Variants in DDX60L observed in about 807,000 individuals in gnomAD.
DDX60L encodes the protein DExD/H-box 60 like, also known as probable ATP-dependent RNA helicase DDX60-like.
Under a neutral mutation model 211.6 loss-of-function variants are expected in DDX60L, and 191 were observed. The ratio of observed to expected loss-of-function variants is 0.90; its 90% CI spans 0.80 to 1.02. The LOEUF is 1.02. Ranked by LOEUF, DDX60L falls within the 50% of genes least tolerant of loss-of-function variation. The pLI is 0.00. For synonymous variants in DDX60L, 706 were observed against 694.1 expected (o/e 1.02, Z -0.27); for missense variants, 2,007 against 1,984.1 (o/e 1.01, Z -0.22).
At chr4:168,422,748 C>G in intron 15 of DDX60L, 78 bp from the exon 16 acceptor site, 2 of 1,118,848 alleles carry the variant, frequency 1.8e-6, no homozygotes, top group South Asian at 3.1e-5. Flanking sequence ...CCACTGAGCA[C>G]ATTCTATGCA....
intron 10 of DDX60L, among the ~76,000 whole-genome samples, chr4:168,440,572 AT>A (rs1324750024): frequency 6.6e-6 from 1 of 152,094 alleles, no homozygotes; most frequent in Non-Finnish European, 1.5e-5. Flanking sequence ...GAATTCTCAA[AT>A]GCCATGTCCT....
chr4:168,477,217 C>T (rs920395227), intron 1 of DDX60L, among the ~76,000 whole-genome samples: 2 of 152,024 alleles, frequency 1.3e-5, no homozygotes, highest in African/African-American at 4.8e-5. Flanking sequence ...AGATCGAGAC[C>T]ATCCTGGCTA....
chr4:168,405,189 T>C (rs747219475), intron 24 of DDX60L, among the ~76,000 whole-genome samples: 7 of 152,002 alleles, frequency 4.6e-5, no homozygotes, highest in Non-Finnish European at 1.0e-4. Context: ...TTGTATTTTT[T>C]TAGAGACAGG....
chr4:168,373,540 C>T, intron 35 of DDX60L, 126 bp downstream of exon 35: 4 of 954,858 alleles, frequency 4.2e-6, no homozygotes, highest in Non-Finnish European at 6.4e-6. Flanking sequence ...TTCTCTTAGA[C>T]AATGATGCTC....
At chr4:168,448,486 T>C (rs1755163987) in intron 9 of DDX60L, among the ~76,000 whole-genome samples, 152 bp downstream of exon 9, 1 of 152,174 alleles carries the variant, frequency 6.6e-6, no homozygotes, top group Admixed American at 6.5e-5. Flanking sequence ...TCAAATGCTA[T>C]TAAGTGAAGA....
chr4:168,403,453 G>A (rs549457127), intron 25 of DDX60L, among the ~76,000 whole-genome samples: 30 of 152,142 alleles, frequency 2.0e-4, no homozygotes, highest in Non-Finnish European at 4.1e-4. Context: ...ATTAGAGTGG[G>A]TCCAGGGTAC....
intron 14 of DDX60L, among the ~76,000 whole-genome samples, chr4:168,425,703 A>T (rs1751344185): frequency 6.6e-6 from 1 of 152,104 alleles, no homozygotes; most frequent in Non-Finnish European, 1.5e-5. Flanking sequence ...TGGGAGGTGG[A>T]GGTTGCAGTG....
chr4:168,450,127 T>C (rs1755605473), intron 8 of DDX60L, among the ~76,000 whole-genome samples: 1 of 152,200 alleles, frequency 6.6e-6, no homozygotes, highest in Non-Finnish European at 1.5e-5. Flanking sequence ...GTCATGCAGC[T>C]GGAGGCTACA....
At chr4:168,383,583 T>C (rs1264312334) in intron 30 of DDX60L, among the ~76,000 whole-genome samples, 2 of 152,222 alleles carry the variant, frequency 1.3e-5, no homozygotes, top group Non-Finnish European at 2.9e-5. Flanking sequence ...TGGTGTTTTA[T>C]GGCTACTTCA....
At chr4:168,360,256 A>AG (rs1193380057) in intron 37 of DDX60L, among the ~76,000 whole-genome samples, 6 of 152,336 alleles carry the variant, frequency 3.9e-5, no homozygotes, top group Non-Finnish European at 8.8e-5. Flanking sequence ...AAATGAATGA[A>AG]GGAATTATTT....
chr4:168,409,185 T>C (rs1427115128), intron 22 of DDX60L, among the ~76,000 whole-genome samples: 3 of 152,190 alleles, frequency 2.0e-5, no homozygotes, highest in Non-Finnish European at 2.9e-5. Context: ...AAAAGTAAAG[T>C]ATCACAGAGT....
At chr4:168,453,708 G>A (rs768045058) in intron 7 of DDX60L, among the ~76,000 whole-genome samples, 24 of 152,038 alleles carry the variant, frequency 1.6e-4, no homozygotes, top group Non-Finnish European at 2.2e-4. Flanking sequence ...GGAAGGAAAT[G>A]GTCAAGTTTC....
intron 4 of DDX60L, among the ~76,000 whole-genome samples, chr4:168,464,627 T>C (rs900690129): frequency 6.6e-6 from 1 of 152,072 alleles, no homozygotes; most frequent in African/African-American, 2.4e-5. Context: ...TATATATGTA[T>C]ACAATGCATA....
At chr4:168,476,508 GAACT>G (rs769219635) in intron 1 of DDX60L, among the ~76,000 whole-genome samples, 15 of 152,174 alleles carry the variant, frequency 9.9e-5, no homozygotes, top group South Asian at 2.1e-4. Flanking sequence ...CTAATTTTAA[GAACT>G]AACAGAGAAT....
Position 168,433,036 on chromosome 4 carries a change from C to T in DDX60L, c.1374G>A (p.Met458Ile). 6.2e-7 allele frequency: 1 copy of T among 1,608,722 alleles called. No homozygotes were observed. The highest frequency in any genetic ancestry group is 8.5e-7 in the Non-Finnish European group (1 of 1,177,178). Residue 458 changes from methionine to isoleucine, a missense_variant, in exon 11 of 38, where the codon ATG becomes ATA. By Grantham distance (10) the Met-to-Ile change is conservative (BLOSUM62 1). Coordinates refer to ENST00000682922, the MANE Select transcript of DDX60L (RefSeq NM_001012967.3). Reference protein sequence around the residue: ...SAVIDEFVGDMMKDLPILKSD... With the variant: ...SAVIDEFVGDIMKDLPILKSD... ...TCTTTAGAATAGGCAAATCCTTCAT[C>T]ATATCTCCAACAAACTCATCAATTA... is the stretch of plus-strand genomic sequence containing the variant.
At chr4:168,466,890 G>T (rs1192535244) in intron 4 of DDX60L, among the ~76,000 whole-genome samples, 1 of 152,108 alleles carries the variant, frequency 6.6e-6, no homozygotes, top group African/African-American at 2.4e-5. Flanking sequence ...ACAGACAGCT[G>T]CCAATTCACA....
intron 10 of DDX60L, 107 bp from the exon 11 acceptor site, chr4:168,433,222 T>C: frequency 1.4e-6 from 1 of 732,252 alleles, no homozygotes; most frequent in Non-Finnish European, 2.2e-6. Context: ...ACATAAATTT[T>C]ACTAATGTTT....
At chr4:168,373,860 T>C in intron 34 of DDX60L, 52 bp from the exon 35 acceptor site, 1 of 1,581,150 alleles carries the variant, frequency 6.3e-7, no homozygotes, top group Non-Finnish European at 8.6e-7. Context: ...GCCCAAATGT[T>C]AACCCTTTCA....
At chr4:168,390,603 C>A (rs1744625270) in intron 29 of DDX60L, 2 of 861,346 alleles carry the variant, frequency 2.3e-6, no homozygotes, top group South Asian at 2.2e-5. Flanking sequence ...TATAATTTAT[C>A]TTTTATATTT....
Sources: allele counts gnomAD v4.1 joint callset (sites outside exome capture counted in the v4.1 genomes callset), GRCh38; gene constraint gnomAD v4.1.1; transcripts MANE v1.5; gene names NCBI Gene and HGNC (gene_info 2026-07-23, HGNC 2026-07-21).